The following NF1 variants were observed in gnomAD, a reference collection of about 807,000 sequenced individuals.
The protein encoded by NF1 is neurofibromin.
Under a neutral mutation model 325.7 loss-of-function variants are expected in NF1, and 122 were observed. The observed-to-expected ratio is 0.37, with a 90% CI of 0.32 to 0.44. NF1 has a LOEUF of 0.44. NF1 is among the 20% of genes least tolerant of loss of function. The probability of loss-of-function intolerance (pLI) is 1.00; values close to 1 mark genes in which losing one functional copy is unlikely to be tolerated. For missense variants in NF1, 2,140 were observed against 3,415.4 expected, an observed-to-expected ratio of 0.63 and a Z score of 9.31; for synonymous variants, 1,091 against 1,186.0, an observed-to-expected ratio of 0.92 and a Z score of 1.65.
At chr17:31,239,701 C>T (rs2067262297) in intron 29 of NF1, among the ~76,000 whole-genome samples, 1 of 152,100 alleles carries the variant, frequency 6.6e-6, no homozygotes, top group African/African-American at 2.4e-5. Flanking sequence ...TTGATACAGA[C>T]ATGGAATGTG....
intron 36 of NF1, among the ~76,000 whole-genome samples, chr17:31,308,705 T>C (rs2068795093): frequency 6.6e-6 from 1 of 152,162 alleles, no homozygotes; most frequent in Non-Finnish European, 1.5e-5. Flanking sequence ...TCTGTCCTCA[T>C]CTTTCAGACC....
intron 8 of NF1, among the ~76,000 whole-genome samples, chr17:31,190,808 C>T (rs1005184354): frequency 2.6e-5 from 4 of 152,200 alleles, no homozygotes; most frequent in African/African-American, 9.6e-5. Flanking sequence ...TTCATCCCCA[C>T]TGAATTGCCT....
chr17:31,354,855 C>G (rs1327514763), intron 51 of NF1, among the ~76,000 whole-genome samples: 4 of 152,122 alleles, frequency 2.6e-5, no homozygotes, highest in Non-Finnish European at 5.9e-5. Context: ...GAATAGGTTT[C>G]TGAAGTACAA....
rs771006452 is a variant in NF1, at chr17:31,374,087, G to A, written c.8452G>A (p.Ala2818Thr). Residue 2818 changes from alanine to threonine, a missense_variant, in exon 58 of 58, where the codon GCA becomes ACA. Ala to Thr is a moderately conservative substitution (Grantham distance 58). This residue lies in a region of NF1 where 522 missense variants were observed against 749.0 expected (regional missense o/e 0.70). Coordinates refer to ENST00000358273, the MANE Select transcript of NF1 (RefSeq NM_001042492.3). ...CAGTGGACGAACTCGCCACGGATCC[G>A]CAAGCCAAGTGCAGAAGCAAAGAAG... ...CNSGRTRHGS[A>T]SQVQKQRSAG... 3.1e-6 allele frequency: 5 copies of A among 1,614,040 alleles called. No homozygotes were observed. Among genetic ancestry groups the A allele is most frequent in the Non-Finnish European group, 4.2e-6 (5 of 1,179,954 alleles).
At chr17:31,152,062 G>A (rs1010873564) in intron 1 of NF1, among the ~76,000 whole-genome samples, 2 of 151,782 alleles carry the variant, frequency 1.3e-5, no homozygotes, top group Non-Finnish European at 2.9e-5. Flanking sequence ...GCCCCGGTGT[G>A]TGATGTTCCC....
chr17:31,270,298 G>A (rs2067867791), intron 36 of NF1, among the ~76,000 whole-genome samples: 1 of 152,124 alleles, frequency 6.6e-6, no homozygotes, highest in African/African-American at 2.4e-5. Flanking sequence ...GTTTTTGTAA[G>A]AATAATTAAA....
intron 36 of NF1, among the ~76,000 whole-genome samples, chr17:31,276,655 G>A (rs2068016360): frequency 6.6e-6 from 1 of 152,178 alleles, no homozygotes; most frequent in African/African-American, 2.4e-5. Flanking sequence ...TGATGAGATT[G>A]ATTTTGGGGT....
intron 1 of NF1, among the ~76,000 whole-genome samples, chr17:31,096,297 C>T (rs1182838868): frequency 6.7e-6 from 1 of 150,254 alleles, no homozygotes; most frequent in East Asian, 1.9e-4. Flanking sequence ...GCGGATCATT[C>T]TGCTAGTGTT....
intron 1 of NF1, among the ~76,000 whole-genome samples, chr17:31,117,609 C>T (rs1393882161): frequency 8.0e-6 from 1 of 125,550 alleles, no homozygotes; most frequent in African/African-American, 3.0e-5. Flanking sequence ...GGAGGCGGAG[C>T]TTGCAGTGAG....
intron 36 of NF1, among the ~76,000 whole-genome samples, chr17:31,300,654 G>A (rs1472567948): frequency 1.3e-5 from 2 of 152,004 alleles, no homozygotes; most frequent in African/African-American, 4.8e-5. Context: ...GTAAATCTTT[G>A]AAAAAGATTC....
chr17:31,200,012 T>G (rs1448981371), intron 8 of NF1, among the ~76,000 whole-genome samples: 1 of 151,886 alleles, frequency 6.6e-6, no homozygotes, highest in Non-Finnish European at 1.5e-5. Flanking sequence ...GGCAGGCGCC[T>G]GTAAACCCAG....
chr17:31,353,417 A>T (rs1308713161), intron 51 of NF1, among the ~76,000 whole-genome samples: 1 of 152,192 alleles, frequency 6.6e-6, no homozygotes, highest in African/African-American at 2.4e-5. Context: ...GGATTGCTCG[A>T]GTCCAGGAGT....
At chr17:31,096,480 T>C (rs17879885) in intron 1 of NF1, among the ~76,000 whole-genome samples, 58 of 152,274 alleles carry the variant, frequency 3.8e-4, no homozygotes, top group African/African-American at 1.3e-3. Flanking sequence ...TCAGTGGAAA[T>C]TGGTTTAACT....
At chr17:31,126,561 C>G (rs1184113235) in intron 1 of NF1, among the ~76,000 whole-genome samples, 1 of 152,090 alleles carries the variant, frequency 6.6e-6, no homozygotes, top group Non-Finnish European at 1.5e-5. Flanking sequence ...CCCACCTCAG[C>G]CTCTTGAGTA....
chr17:31,304,318 T>C, intron 36 of NF1: 2 of 1,613,846 alleles, frequency 1.2e-6, no homozygotes, highest in Non-Finnish European at 1.7e-6. Context: ...TTGATCAGAG[T>C]TGGGAGGAAT....
chr17:31,247,965 G>A (rs2067426252), intron 29 of NF1, among the ~76,000 whole-genome samples: 1 of 152,176 alleles, frequency 6.6e-6, no homozygotes, highest in Non-Finnish European at 1.5e-5. Flanking sequence ...CACTTTAGGA[G>A]GCCGAGGCAG....
intron 57 of NF1, among the ~76,000 whole-genome samples, chr17:31,367,838 C>CA (rs1164320417): frequency 6.6e-6 from 1 of 151,696 alleles, no homozygotes; most frequent in Non-Finnish European, 1.5e-5. Flanking sequence ...CCTCTTTCTA[C>CA]AAAAAATACA....
intron 8 of NF1, among the ~76,000 whole-genome samples, chr17:31,184,666 A>AAAAAAAAAAAAAAAAT (rs1567828025): frequency 7.8e-5 from 11 of 140,560 alleles, no homozygotes; most frequent in East Asian, 2.1e-4. Flanking sequence ...AAAATAAAAA[A>AAAAAAAAAAAAAAAAT]AAAAAATAAA....
chr17:31,366,173 TCCTCCCA>T (rs2070516528), intron 57 of NF1, among the ~76,000 whole-genome samples: 3 of 152,026 alleles, frequency 2.0e-5, no homozygotes, highest in African/African-American at 7.2e-5. Context: ...GACCTTGTGA[TCCTCCCA>T]CCTCCACCTC....
Sources: allele counts gnomAD v4.1 joint callset (sites outside exome capture counted in the v4.1 genomes callset), GRCh38; gene constraint gnomAD v4.1.1; regional missense constraint gnomAD v4.1.1; transcripts MANE v1.5; gene names NCBI Gene and HGNC (gene_info 2026-07-23, HGNC 2026-07-21).